Variants in LOXHD1 observed in about 807,000 individuals in gnomAD.
The protein encoded by LOXHD1 is lipoxygenase homology domain-containing protein 1.
A neutral mutation model predicts 248.2 loss-of-function variants in LOXHD1; 205 were observed. The ratio of observed to expected loss-of-function variants is 0.83; its 90% CI spans 0.74 to 0.93. The LOEUF (loss-of-function observed/expected upper bound fraction) is 0.93. Ranked by LOEUF, LOXHD1 falls within the 40% of genes least tolerant of loss-of-function variation. The probability of loss-of-function intolerance (pLI) is 0.00; values close to 1 mark genes in which losing one functional copy is unlikely to be tolerated. For synonymous variants in LOXHD1, 1,113 were observed against 1,162.8 expected, an observed-to-expected ratio of 0.96 and a Z score of 0.87; for missense variants, 2,930 against 2,971.6, an observed-to-expected ratio of 0.99 and a Z score of 0.33.
At chr18:46,566,634 G>A (rs925591766) in intron 16 of LOXHD1, among the ~76,000 whole-genome samples, 185 bp from the exon 17 acceptor site, 10 of 152,122 alleles carry the variant, frequency 6.6e-5, no homozygotes, top group African/African-American at 2.4e-4. Flanking sequence ...GGGCACCAGG[G>A]CATCACCTCA....
At chr18:46,520,997 A>G (rs2035549064) in intron 33 of LOXHD1, 100 bp downstream of exon 33, 6 of 1,384,440 alleles carry the variant, frequency 4.3e-6, no homozygotes, top group Non-Finnish European at 5.9e-6. Context: ...TGCCCCAGTG[A>G]TGAGTCTCCT....
chr18:46,519,493 G>A (rs140013830), intron 33 of LOXHD1, among the ~76,000 whole-genome samples: 4 of 152,312 alleles, frequency 2.6e-5, no homozygotes, highest in African/African-American at 7.2e-5. Flanking sequence ...GCCCGCAGGA[G>A]AAATTCAGGA....
chr18:46,609,196 A>T (rs2038468246), intron 6 of LOXHD1, among the ~76,000 whole-genome samples: 1 of 152,234 alleles, frequency 6.6e-6, no homozygotes, highest in Non-Finnish European at 1.5e-5. Flanking sequence ...CTCATGAGGC[A>T]ACAAATTGGA....
Position 46,521,227 on chromosome 18 carries a change from A to G in LOXHD1, c.5141T>C (p.Leu1714Ser). ...CTTGGTGCCCTGGGTGGGCACTGCCAAACACAACTCTTCCACCAGCCAGCA... is the reference window on the plus strand; with the variant it reads ...CTTGGTGCCCTGGGTGGGCACTGCCGAACACAACTCTTCCACCAGCCAGCA... ...ESCWLVEELC[L>S]AVPTQGTKYM... Residue 1714 changes from leucine (L) to serine (S), a missense_variant, in exon 33 of 41, where the codon TTG becomes TCG. Physicochemically the swap from Leu to Ser is moderately radical, Grantham distance 145. Transcript: ENST00000642948. 2 of 1,551,724 alleles carry G rather than the reference A, an allele frequency of 1.3e-6. No homozygotes were observed. Among genetic ancestry groups the G allele is most frequent in the Non-Finnish European group, 1.7e-6 (2 of 1,146,994 alleles).
intron 37 of LOXHD1, among the ~76,000 whole-genome samples, chr18:46,492,292 G>A (rs2033541814): frequency 6.6e-6 from 1 of 152,192 alleles, no homozygotes; most frequent in Non-Finnish European, 1.5e-5. Flanking sequence ...TTCTCATGCT[G>A]CTGTGAAGAA....
intron 32 of LOXHD1, 85 bp downstream of exon 32, chr18:46,522,016 C>T: frequency 9.9e-7 from 1 of 1,013,844 alleles, no homozygotes; most frequent in Non-Finnish European, 1.4e-6. Flanking sequence ...TCTTCCCACC[C>T]TGCACTCTCC....
At chr18:46,553,130 G>C (rs577260770) in intron 21 of LOXHD1, among the ~76,000 whole-genome samples, 1 of 152,292 alleles carries the variant, frequency 6.6e-6, no homozygotes, top group African/African-American at 2.4e-5. Context: ...AACAGTGTTA[G>C]CTCCTTAAGA....
intron 38 of LOXHD1, among the ~76,000 whole-genome samples, chr18:46,488,415 T>G (rs1180438893): frequency 6.6e-6 from 1 of 152,206 alleles, no homozygotes; most frequent in East Asian, 1.9e-4. Flanking sequence ...ATCCATTTCT[T>G]ATGTCACGCT....
In LOXHD1 at chr18:46,591,983, A is replaced by G; in HGVS notation, c.1604T>C (p.Ile535Thr). Residue 535 changes from isoleucine to threonine, a missense_variant, in exon 12 of 41, where the codon ATA (isoleucine) becomes ACA (threonine). Physicochemically the swap from Ile to Thr is moderately conservative, Grantham distance 89. Coordinates refer to ENST00000642948, the MANE Select transcript of LOXHD1 (RefSeq NM_001384474.1). ...GCCTTCTGCAGTCATTTCCCTCACT[A>G]TCTCATTGTCATCCTCATTGGCATC... ...WLDANEDDNE[I>T]VREMTAEGPT... 4.5e-6 allele frequency: 7 copies of G among 1,551,976 alleles called. No individual in the cohort carries two copies. Among genetic ancestry groups the G allele is most frequent in the South Asian group, 3.6e-5 (3 of 84,042 alleles).
chr18:46,493,285 G>A (rs2033614342), intron 37 of LOXHD1, among the ~76,000 whole-genome samples: 1 of 152,214 alleles, frequency 6.6e-6, no homozygotes, highest in African/African-American at 2.4e-5. Flanking sequence ...CTTTGAGAAA[G>A]ACTTTGTTAA....
At chr18:46,590,557 G>A (rs2038147495) in intron 12 of LOXHD1, among the ~76,000 whole-genome samples, 1 of 152,146 alleles carries the variant, frequency 6.6e-6, no homozygotes, top group South Asian at 2.1e-4. Context: ...TGCCTTGGTG[G>A]ACTACATATC....
intron 29 of LOXHD1, among the ~76,000 whole-genome samples, chr18:46,525,655 G>A (rs1312882129): frequency 6.6e-6 from 1 of 152,242 alleles, no homozygotes; most frequent in African/African-American, 2.4e-5. Flanking sequence ...GGCTTTGAAT[G>A]AGATGGGGCC....
At position 46,560,119 on chromosome 18, in the gene LOXHD1, C is replaced by A; in HGVS notation, c.3025G>T (p.Val1009Leu). The change falls in exon 19 of 41, where the codon GTG (valine) becomes TTG (leucine). Residue 1009 changes from valine (V) to leucine (L), a missense_variant. Coordinates refer to ENST00000642948, the MANE Select transcript of LOXHD1 (RefSeq NM_001384474.1). ...GGCTTGCCAGCTGGCACCAACTCCA[C>A]GACAAGTTCGTTGTCCTCCTTGCCC... ...ARGKEDNELV[V>L]ELVPAGKPGP... 6.5e-7 allele frequency: 1 copy of A among 1,547,788 alleles called. No individual in the cohort carries two copies. The highest frequency in any genetic ancestry group is 1.2e-5 in the South Asian group (1 of 83,964).
intron 21 of LOXHD1, 137 bp downstream of exon 21, chr18:46,557,219 T>G (rs2037378218): frequency 3.8e-6 from 3 of 785,550 alleles, no homozygotes; most frequent in Non-Finnish European, 5.4e-6. Flanking sequence ...CACCTCACCC[T>G]TAGGTGTCAC....
intron 40 of LOXHD1, among the ~76,000 whole-genome samples, chr18:46,482,130 CT>C (rs1270035877): frequency 6.6e-6 from 1 of 152,198 alleles, no homozygotes; most frequent in African/African-American, 2.4e-5. Context: ...CATAGAGCAA[CT>C]CCTACAGGAT....
At chr18:46,564,984 C>T (rs564084449) in intron 17 of LOXHD1, among the ~76,000 whole-genome samples, 1 of 152,136 alleles carries the variant, frequency 6.6e-6, no homozygotes, top group East Asian at 1.9e-4. Flanking sequence ...AGAGGTGAGG[C>T]CAGTCGTAGT....
chr18:46,560,052 T>TTCCCCCCCCCCC, intron 19 of LOXHD1, 31 bp downstream of exon 19: 4 of 441,130 alleles, frequency 9.1e-6, no homozygotes, highest in South Asian at 5.6e-5. Context: ...GGCCACTCCC[T>TTCCCCCCCCCCC]CCCCACCCCC....
intron 37 of LOXHD1, among the ~76,000 whole-genome samples, chr18:46,497,990 G>A (rs186808630): frequency 2.6e-5 from 4 of 152,358 alleles, no homozygotes; most frequent in Admixed American, 6.5e-5. Context: ...CAATTGCAGA[G>A]TGGGATCACA....
Position 46,522,204 on chromosome 18 carries a change from C to T in LOXHD1, c.4982G>A (p.Arg1661His), listed in dbSNP as rs770493552. 1.9e-5 allele frequency: 30 copies of T among 1,551,616 alleles called. No individual in the cohort carries two copies. The highest frequency in any genetic ancestry group is 3.6e-5 in the South Asian group (3 of 84,052). The change falls in exon 32 of 41, where the codon CGC becomes CAC. Residue 1661 changes from arginine (R) to histidine (H), a missense_variant. Physicochemically the swap from Arg to His is conservative, Grantham distance 29. Transcript: ENST00000642948. ...CCCTCGGGGGTAGTCCAACCAGATG[C>T]GCTTACTACGTTCATCATCCTCCCC... is the stretch of plus-strand genomic sequence containing the variant. ...LIGEDDERSKRIWLDYPRGKR... is the reference protein window; with the variant it reads ...LIGEDDERSKHIWLDYPRGKR...
Sources: allele counts gnomAD v4.1 joint callset (sites outside exome capture counted in the v4.1 genomes callset), GRCh38; gene constraint gnomAD v4.1.1; transcripts MANE v1.5; gene names NCBI Gene and HGNC (gene_info 2026-07-23, HGNC 2026-07-21).